COL6A5: variants seen among roughly 807,000 people sequenced by gnomAD.
COL6A5 encodes the protein collagen type VI alpha 5 chain, also known as collagen alpha-5(VI) chain.
Under a neutral mutation model 65.6 loss-of-function variants are expected in COL6A5, and 48 were observed. That is an observed-to-expected ratio of 0.73 (90% CI 0.58 to 0.93). COL6A5 has a LOEUF of 0.93. COL6A5 is among the 40% of genes least tolerant of loss of function. COL6A5 has a pLI of 0.00. For synonymous variants in COL6A5, 291 were observed against 322.8 expected (o/e 0.90, Z 1.05); for missense variants, 914 against 928.3 (o/e 0.98, Z 0.20).
rs942480094 is a variant in COL6A5, at chr3:130,395,199, G to C, written c.3302G>C (p.Gly1101Ala). The C allele has an allele frequency of 2.6e-6, 4 of 1,551,634 alleles. No individual in the cohort carries two copies. The highest frequency in any genetic ancestry group is 2.6e-6 in the Non-Finnish European group (3 of 1,146,972). Residue 1101 changes from glycine (G) to alanine (A), a missense_variant and NMD_transcript_variant, in exon 8 of 42, where the codon GGG (glycine) becomes GCG (alanine). Gly to Ala is a moderately conservative substitution (Grantham distance 60). Transcript: ENST00000312481. ...AATATGTTTAATCTACATGCTGGTG[G>C]GAGAAGAAATGCTGGTGTCCCCCAA...
At position 130,471,674 on chromosome 3, in the gene COL6A5, T is replaced by A; in HGVS notation, c.2328+707T>A. The A allele has an allele frequency of 1.3e-6, 2 of 1,533,640 alleles. No homozygotes were observed. On this transcript the variant is annotated intron_variant, in intron 7 of 7. Transcript: ENST00000512836. ...CTAATTTTTTATCTCTCTTCTCTAT[T>A]ACCTCAGACTTCTTCCTGGGATATA...
intron 1 of COL6A5, among the ~76,000 whole-genome samples, chr3:130,362,166 A>G (rs1162779908): frequency 1.3e-5 from 2 of 150,408 alleles, no homozygotes; most frequent in South Asian, 4.2e-4. Flanking sequence ...CTCCTATGTT[A>G]TATTCTAGGA....
rs147555571 is a variant in COL6A5 at position 130,468,708 on chromosome 3, C to T, written c.1545-87C>T. On this transcript the variant is annotated intron_variant, in intron 5 of 7. Coordinates refer to ENST00000512836, the Ensembl canonical transcript of COL6A5. ...GTATGGAAATGCAGCATGGTAATAA[C>T]CTCATGCTGTGTATTTGCCATCTAT... 1,815 of 857,614 alleles carry T rather than the reference C, an allele frequency of 2.1e-3. 10 individuals are homozygous for T. Among genetic ancestry groups the T allele is most frequent in the Non-Finnish European group, 1.3e-3 (719 of 553,462 alleles). The allele number at this position is 857,614 out of a possible 1,614,324, so 53.1% of individuals were successfully genotyped here.
At position 130,440,611 on chromosome 3, in the gene COL6A5, TGA is replaced by T. The variant is rs771450235; in HGVS notation, c.1032_1033del (p.Arg345LysfsTer12). On this transcript the variant is annotated frameshift_variant, in exon 3 of 8. Coordinates refer to ENST00000512836, the Ensembl canonical transcript of COL6A5. LOFTEE classifies it high-confidence loss of function. ...TTGTGGTCTCAGCTGGAGAAAATTA[TGA>T]GAGAAAAGAATTTGTAAAAATGATG... is the stretch of plus-strand genomic sequence containing the variant. 1 of 1,613,452 alleles carries T rather than the reference TGA, an allele frequency of 6.2e-7. No homozygotes were observed. Among genetic ancestry groups the T allele is most frequent in the Non-Finnish European group, 8.5e-7 (1 of 1,179,692 alleles).
chr3:130,372,197 CT>C (rs1235435012), intron 1 of COL6A5, among the ~76,000 whole-genome samples: 4 of 152,008 alleles, frequency 2.6e-5, no homozygotes, highest in Non-Finnish European at 4.4e-5. Flanking sequence ...AAGTTGGGAC[CT>C]TTATACACTG....
At chr3:130,418,331 C>A (rs541900876) in intron 24 of COL6A5, among the ~76,000 whole-genome samples, 2 of 152,100 alleles carry the variant, frequency 1.3e-5, no homozygotes, top group Non-Finnish European at 2.9e-5. Context: ...CCCTTTCTTG[C>A]CCAGTCCCCT....
chr3:130,443,692 C>T, intron 4 of COL6A5, 126 bp downstream of exon 36: 1 of 511,778 alleles, frequency 2.0e-6, no homozygotes, highest in Non-Finnish European at 3.5e-6. Flanking sequence ...TTTATGTATT[C>T]CATTTTCCAT....
intron 5 of COL6A5, 91 bp downstream of exon 37, chr3:130,455,757 G>A: frequency 9.7e-7 from 1 of 1,036,106 alleles, no homozygotes; most frequent in Non-Finnish European, 1.4e-6. Context: ...ATTAAGGCTG[G>A]TATCTAAAGC....
At chr3:130,393,193 C>T (rs111435206) in intron 7 of COL6A5, among the ~76,000 whole-genome samples, 234 of 151,948 alleles carry the variant, frequency 1.5e-3, no homozygotes, top group African/African-American at 5.5e-3. Flanking sequence ...CCTCATTGAT[C>T]ACCTCTCCCC....
chr3:130,421,458 G>T lies in COL6A5; in HGVS notation c.5037+98G>T, dbSNP rs1253274320. 4.4e-6 allele frequency: 5 copies of T among 1,137,834 alleles called. No individual in the cohort carries two copies. In the African/African-American group the frequency reaches 7.7e-5, roughly 18 times the overall value. 70.5% of individuals were successfully genotyped at this position (1,137,834 alleles called of 1,614,324 possible). On this transcript the variant is annotated intron_variant and NMD_transcript_variant, in intron 27 of 41. Coordinates refer to the COL6A5 transcript ENST00000312481. ...GTCTGAATGAAATGGGGACAATAAG[G>T]AGAAACCAAGGACAGTTGTTTTCCT...
chr3:130,454,028 C>G (rs967054264), intron 4 of COL6A5, among the ~76,000 whole-genome samples: 32 of 152,238 alleles, frequency 2.1e-4, no homozygotes, highest in African/African-American at 7.2e-4. Context: ...AAACCAATTC[C>G]TATAGGACAG....
At chr3:130,399,508 C>T (rs1302258701) in intron 10 of COL6A5, among the ~76,000 whole-genome samples, 2 of 151,208 alleles carry the variant, frequency 1.3e-5, no homozygotes, top group Non-Finnish European at 2.9e-5. Context: ...GTATCTGGGA[C>T]TACAGGAGCC....
chr3:130,375,129 A>C (rs1935716720), intron 2 of COL6A5, among the ~76,000 whole-genome samples: 1 of 151,738 alleles, frequency 6.6e-6, no homozygotes, highest in South Asian at 2.1e-4. Flanking sequence ...CCCTTACCAG[A>C]CTCTTCTTAT....
intron 17 of COL6A5, among the ~76,000 whole-genome samples, chr3:130,408,832 G>A (rs140183391): frequency 2.6e-4 from 40 of 152,266 alleles, no homozygotes; most frequent in African/African-American, 9.4e-4. Context: ...TGGTTCCCCC[G>A]ATAGAACATC....
At chr3:130,385,218 C>T (rs893871877) in exon 5 of COL6A5, 8 of 1,551,068 alleles carry the variant, frequency 5.2e-6, no homozygotes, top group Non-Finnish European at 6.1e-6. Context: ...GAGCAAATCA[C>T]TGTTCATGCA....
intron 5 of COL6A5, 29 bp from the exon 6 acceptor site, chr3:130,388,551 T>C: frequency 6.8e-7 from 1 of 1,481,318 alleles, no homozygotes; most frequent in Non-Finnish European, 9.0e-7. Context: ...AACCTGGTTA[T>C]TTCTGGTCTT....
At chr3:130,402,297 G>A (rs563083159) in intron 12 of COL6A5, among the ~76,000 whole-genome samples, 56 of 152,262 alleles carry the variant, frequency 3.7e-4, no homozygotes, top group African/African-American at 1.3e-3. Context: ...AATAAGAGTT[G>A]TGCTTCATCA....
At chr3:130,415,446 G>A (rs530694018) in intron 22 of COL6A5, among the ~76,000 whole-genome samples, 199 bp from the exon 23 acceptor site, 2 of 152,036 alleles carry the variant, frequency 1.3e-5, no homozygotes, top group Non-Finnish European at 2.9e-5. Context: ...TATCCAGGCC[G>A]GGAATTCCTT....
intron 24 of COL6A5, among the ~76,000 whole-genome samples, chr3:130,417,285 G>C (rs1013673118): frequency 6.6e-6 from 1 of 152,066 alleles, no homozygotes; most frequent in Non-Finnish European, 1.5e-5. Context: ...AAAAGTAAAT[G>C]ATATTTCTTA....
Sources: gnomAD v4.1 joint callset for allele counts (sites outside exome capture counted in the v4.1 genomes callset) on GRCh38, gnomAD v4.1.1 for gene constraint, MANE v1.5 for transcripts, NCBI Gene and HGNC (gene_info 2026-07-23, HGNC 2026-07-21) for gene names.